TTC28: variants seen among roughly 807,000 people sequenced by gnomAD.
The protein encoded by TTC28 is tetratricopeptide repeat domain 28.
Under a neutral mutation model 198.0 loss-of-function variants are expected in TTC28, and 61 were observed. The observed-to-expected ratio is 0.31, with a 90% CI of 0.25 to 0.38. TTC28 has a LOEUF of 0.38. TTC28 is among the 10% of genes least tolerant of loss of function. The probability of loss-of-function intolerance (pLI) is 1.00; values close to 1 mark genes in which losing one functional copy is unlikely to be tolerated. For synonymous variants in TTC28, 1,171 were observed against 1,297.8 expected (o/e 0.90, Z 2.10); for missense variants, 2,678 against 3,164.0 (o/e 0.85, Z 3.69).
intron 1 of TTC28, among the ~76,000 whole-genome samples, chr22:28,632,738 T>TG (rs1017935256): frequency 2.7e-5 from 4 of 150,420 alleles, no homozygotes; most frequent in African/African-American, 9.8e-5. Flanking sequence ...TAAGATAAAC[T>TG]GTTAGATTCA....
intron 6 of TTC28, among the ~76,000 whole-genome samples, chr22:28,129,150 A>G (rs1174016574): frequency 2.0e-5 from 3 of 152,166 alleles, no homozygotes; most frequent in Non-Finnish European, 4.4e-5. Context: ...AGCAATCTCA[A>G]AGTTTACCCA....
In TTC28 at chr22:28,098,988, C is replaced by T. The variant is rs1306293804; in HGVS notation, c.3474G>A (p.Thr1158=). ...ETIRHEAQLS[T]DYKLSLFDLQ... ...GGTCAAAGAGGGAGAGTTTGTAGTC[C>T]GTGCTCAGCTGTGCCTCATGTCGGA... Residue 1158 remains threonine, a synonymous_variant, in exon 10 of 23, where the codon ACG becomes ACA. Transcript: ENST00000397906. The T allele has an allele frequency of 9.7e-6, 15 of 1,551,756 alleles. No homozygotes were observed. The highest frequency in any genetic ancestry group is 2.4e-5 in the East Asian group (1 of 40,910).
chr22:28,248,415 A>G (rs1930265129), intron 5 of TTC28, among the ~76,000 whole-genome samples: 1 of 152,142 alleles, frequency 6.6e-6, no homozygotes, highest in Non-Finnish European at 1.5e-5. Context: ...GGTGCTCTTA[A>G]ATTAAGGAGG....
At chr22:28,509,411 A>G (rs932379086) in intron 2 of TTC28, among the ~76,000 whole-genome samples, 5 of 152,222 alleles carry the variant, frequency 3.3e-5, no homozygotes, top group African/African-American at 1.2e-4. Flanking sequence ...CAGAAATTGA[A>G]CAACCTGCTC....
chr22:27,996,379 G>A (rs1937552845), intron 16 of TTC28, 120 bp from the exon 17 acceptor site: 3 of 1,422,516 alleles, frequency 2.1e-6, no homozygotes, highest in Non-Finnish European at 2.8e-6. Flanking sequence ...GGCCTGGCAG[G>A]GGAGCAGCTC....
chr22:27,995,297 G>A (rs1937532502), intron 17 of TTC28, among the ~76,000 whole-genome samples: 1 of 152,192 alleles, frequency 6.6e-6, no homozygotes, highest in African/African-American at 2.4e-5. Context: ...TGGCAGATTT[G>A]GAAGGAGCTT....
chr22:28,133,882 C>G (rs1404511268), intron 6 of TTC28, among the ~76,000 whole-genome samples: 1 of 152,234 alleles, frequency 6.6e-6, no homozygotes, highest in Non-Finnish European at 1.5e-5. Flanking sequence ...CAGCACGCAG[C>G]TTGAGATCTG....
intron 2 of TTC28, among the ~76,000 whole-genome samples, chr22:28,412,446 A>AGG (rs2047096590): frequency 6.6e-6 from 1 of 152,152 alleles, no homozygotes; most frequent in East Asian, 1.9e-4. Context: ...CTGGCTCCTA[A>AGG]AAACCAAAAC....
intron 2 of TTC28, among the ~76,000 whole-genome samples, chr22:28,625,905 T>G (rs1362571324): frequency 6.6e-6 from 1 of 152,154 alleles, no homozygotes; most frequent in African/African-American, 2.4e-5. Flanking sequence ...GTCAAATGGT[T>G]TGTGACAAAG....
At chr22:28,098,627 G>C (rs901699829) in intron 10 of TTC28, among the ~76,000 whole-genome samples, 3 of 151,850 alleles carry the variant, frequency 2.0e-5, no homozygotes, top group African/African-American at 7.3e-5. Flanking sequence ...CACTGTACTG[G>C]ACTCACTGAC....
At chr22:28,465,221 A>G (rs1236133547) in intron 2 of TTC28, among the ~76,000 whole-genome samples, 2 of 152,356 alleles carry the variant, frequency 1.3e-5, no homozygotes, top group South Asian at 2.1e-4. Flanking sequence ...CCAGAGTACA[A>G]TAAGTTAGAC....
intron 13 of TTC28, among the ~76,000 whole-genome samples, chr22:28,021,414 T>C (rs942717453): frequency 1.8e-4 from 28 of 152,058 alleles, no homozygotes; most frequent in African/African-American, 6.8e-4. Flanking sequence ...GGGTACCACC[T>C]GAGGAACGCA....
intron 19 of TTC28, 73 bp from the exon 20 acceptor site, chr22:27,990,885 T>C: frequency 6.9e-7 from 1 of 1,445,330 alleles, no homozygotes; most frequent in Non-Finnish European, 9.4e-7. Context: ...CACAGGCTGT[T>C]ATGCAACATG....
chr22:28,047,406 T>C (rs376150825), intron 12 of TTC28, among the ~76,000 whole-genome samples: 2 of 152,140 alleles, frequency 1.3e-5, no homozygotes, highest in East Asian at 1.9e-4. Context: ...GCAAAGCTCA[T>C]CTTGAGTTCT....
intron 5 of TTC28, among the ~76,000 whole-genome samples, chr22:28,194,795 T>C (rs1925227665): frequency 8.3e-6 from 1 of 120,498 alleles, no homozygotes; most frequent in Non-Finnish European, 1.7e-5. Context: ...CAATAATTAA[T>C]AGCCTACCAA....
chr22:28,224,501 AC>A (rs2147211215), intron 5 of TTC28, among the ~76,000 whole-genome samples: 1 of 152,146 alleles, frequency 6.6e-6, no homozygotes, highest in East Asian at 1.9e-4. Flanking sequence ...CAGTCAAATA[AC>A]CTCTCAAGAA....
At chr22:28,431,976 T>TTAAAATAAAATAAAATAAAATAAAA (rs552214920) in intron 2 of TTC28, among the ~76,000 whole-genome samples, 13 of 149,758 alleles carry the variant, frequency 8.7e-5, no homozygotes, top group African/African-American at 3.2e-4. Context: ...AGACTCTGTC[T>TTAAAATAAAATAAAATAAAATAAAA]TAAAATAAAA....
chr22:28,599,238 G>A (rs376046861), intron 2 of TTC28, among the ~76,000 whole-genome samples: 7 of 152,230 alleles, frequency 4.6e-5, no homozygotes, highest in African/African-American at 1.7e-4. Context: ...GTATAATTTA[G>A]CCTATATTTT....
At chr22:28,513,861 A>G (rs1473853187) in intron 2 of TTC28, among the ~76,000 whole-genome samples, 2 of 152,142 alleles carry the variant, frequency 1.3e-5, no homozygotes, top group East Asian at 3.8e-4. Flanking sequence ...CAGAATTGCT[A>G]TAACAATATA....
Sources: gnomAD v4.1 joint callset for allele counts (sites outside exome capture counted in the v4.1 genomes callset) on GRCh38, gnomAD v4.1.1 for gene constraint, MANE v1.5 for transcripts, NCBI Gene and HGNC (gene_info 2026-07-23, HGNC 2026-07-21) for gene names.